Variants in BBS5 observed in about 807,000 individuals in gnomAD.
The protein encoded by BBS5 is BBSome complex member BBS5.
A neutral mutation model predicts 50.2 loss-of-function variants in BBS5; 39 were observed. The ratio of observed to expected loss-of-function variants is 0.78; its 90% CI spans 0.60 to 1.01. The LOEUF (loss-of-function observed/expected upper bound fraction) is 1.01. Ranked by LOEUF, BBS5 falls within the 50% of genes least tolerant of loss-of-function variation. The pLI is 0.00. For synonymous variants in BBS5, 134 were observed against 133.1 expected, an observed-to-expected ratio of 1.01 and a Z score of -0.05; for missense variants, 356 against 401.5, an observed-to-expected ratio of 0.89 and a Z score of 0.97.
intron 9 of BBS5, among the ~76,000 whole-genome samples, chr2:169,500,843 C>G (rs1225044804): frequency 1.3e-5 from 2 of 152,166 alleles, no homozygotes; most frequent in African/African-American, 4.8e-5. Flanking sequence ...GCTCTTCTTT[C>G]AGCAGTCTCC....
At chr2:169,492,785 A>G in intron 5 of BBS5, 89 bp from the exon 6 acceptor site, 1 of 1,120,778 alleles carries the variant, frequency 8.9e-7, no homozygotes, top group Non-Finnish European at 1.3e-6. Flanking sequence ...GTTCATAAAT[A>G]CTAACAACTA....
Position 169,505,610 on chromosome 2 carries a change from AC to A in BBS5, c.*1032del. 1 of 241,146 alleles carries A rather than the reference AC, an allele frequency of 4.1e-6. No individual in the cohort carries two copies. Among genetic ancestry groups the A allele is most frequent in the Non-Finnish European group, 8.2e-6 (1 of 121,338 alleles). 14.9% of individuals were successfully genotyped at this position (241,146 alleles called of 1,614,324 possible). ...TGGGGAGCACCTCTGCCCGGCCGCG[AC>A]CCCATTTGGGAGGTGAGGAGCAACT... On this transcript the variant is annotated 3_prime_UTR_variant, in exon 12 of 12. Coordinates refer to ENST00000295240, the MANE Select transcript of BBS5 (RefSeq NM_152384.3).
In BBS5 at chr2:169,496,937, G is replaced by A. The variant is rs1683705185; in HGVS notation, c.619-690G>A. On this transcript the variant is annotated intron_variant, in intron 7 of 11. Transcript: ENST00000295240. ...GTAGCCATCTATGATGTAAGAAACA[G>A]AAGGCACATGTGACTTTAAAAAACT... Among the ~76,000 whole-genome samples the A allele has an allele frequency of 2.0e-5, 3 of 151,984 alleles. No homozygotes were observed. The South Asian group carries it at 6.2e-4, about 32-fold the overall frequency.
chr2:169,500,442 C>T lies in BBS5; in HGVS notation c.816+822C>T, dbSNP rs151105139. ...TTTCCATTTGCTCCACTGCCATTGC[C>T]CTTGCTGTCCTCTCTGTCCTGGTCC... On this transcript the variant is annotated intron_variant, in intron 9 of 11. Coordinates refer to ENST00000295240, the MANE Select transcript of BBS5 (RefSeq NM_152384.3). 1.1e-4 allele frequency among the ~76,000 whole-genome samples: 16 copies of T among 152,308 alleles called. No homozygotes were observed. In the East Asian group the frequency reaches 2.9e-3, roughly 28 times the overall value.
chr2:169,502,780 C>G (rs1683833664), intron 9 of BBS5, among the ~76,000 whole-genome samples: 1 of 152,084 alleles, frequency 6.6e-6, no homozygotes, highest in South Asian at 2.1e-4. Context: ...TGCTGTTATG[C>G]AAAACTTAGT....
intron 10 of BBS5, among the ~76,000 whole-genome samples, chr2:169,503,685 T>C (rs1683849145): frequency 6.6e-6 from 1 of 152,238 alleles, no homozygotes; most frequent in South Asian, 2.1e-4. Flanking sequence ...GGATCTTGTT[T>C]TGAAATGGAC....
At chr2:169,485,438 G>A (rs1485811108) in intron 2 of BBS5, among the ~76,000 whole-genome samples, 1 of 152,142 alleles carries the variant, frequency 6.6e-6, no homozygotes, top group Admixed American at 6.5e-5. Context: ...CCAAGGTCAC[G>A]TAGCTAGGTG....
Position 169,502,066 on chromosome 2 carries a change from C to T in BBS5, c.817-1029C>T, listed in dbSNP as rs78546205. On this transcript the variant is annotated intron_variant, in intron 9 of 11. Transcript: ENST00000295240. ...TTCTCTCTCCTTCCTCCCTTCCTTT[C>T]AGAATTAATCAGCCTCCTCCACTAT... Among the ~76,000 whole-genome samples the T allele has an allele frequency of 5.6e-4, 85 of 152,232 alleles. No individual in the cohort carries two copies. In the East Asian group the frequency reaches 0.015, roughly 27 times the overall value.
At chr2:169,497,544 G>T in intron 7 of BBS5, 83 bp from the exon 8 acceptor site, 1 of 845,104 alleles carries the variant, frequency 1.2e-6, no homozygotes, top group South Asian at 1.4e-5. Context: ...AGTAAATACT[G>T]TGTAAAGTTT....
At position 169,505,414 on chromosome 2, in the gene BBS5, C is replaced by T. The variant is rs1683894016; in HGVS notation, c.*832C>T. 8.9e-6 allele frequency: 3 copies of T among 338,140 alleles called. No individual in the cohort carries two copies. The highest frequency in any genetic ancestry group is 4.4e-5 in the African/African-American group (2 of 45,294). 20.9% of individuals were successfully genotyped at this position (338,140 alleles called of 1,614,324 possible). A position where few individuals can be genotyped will look rare whatever the true frequency, so the allele number is the denominator to read the frequency against. On this transcript the variant is annotated 3_prime_UTR_variant, in exon 12 of 12. Transcript: ENST00000295240. ...GTGAGGAGCGTCTCTGCCTGGCTGCCCATTGTCTGGGACGTGAGCAGCCCC... is the reference window on the plus strand; with the variant it reads ...GTGAGGAGCGTCTCTGCCTGGCTGCTCATTGTCTGGGACGTGAGCAGCCCC...
intron 2 of BBS5, among the ~76,000 whole-genome samples, chr2:169,485,874 C>G (rs942081257): frequency 9.2e-5 from 14 of 152,224 alleles, no homozygotes; most frequent in African/African-American, 3.4e-4. Context: ...TCTCTCCTCT[C>G]AAAGCAGTCA....
At chr2:169,496,169 G>A (rs967229979) in intron 7 of BBS5, among the ~76,000 whole-genome samples, 2 of 152,012 alleles carry the variant, frequency 1.3e-5, no homozygotes, top group Non-Finnish European at 2.9e-5. Context: ...TAGGTCCTCC[G>A]TGATTCTCCC....
chr2:169,479,753 T>C, intron 1 of BBS5, 141 bp downstream of exon 1: 1 of 938,100 alleles, frequency 1.1e-6, no homozygotes, highest in South Asian at 1.4e-5. Context: ...CGTCCGCGCC[T>C]CGAGAGACCT....
At chr2:169,483,182 A>C (rs955080523) in intron 2 of BBS5, among the ~76,000 whole-genome samples, 1 of 152,190 alleles carries the variant, frequency 6.6e-6, no homozygotes, top group Non-Finnish European at 1.5e-5. Flanking sequence ...GAACATGCTT[A>C]CTGTAGCCCT....
At position 169,499,618 on chromosome 2, in the gene BBS5, A is replaced by G. The variant is rs763705177; in HGVS notation, c.814A>G (p.Lys272Glu). The G allele has an allele frequency of 6.2e-7, 1 of 1,613,800 alleles. No homozygotes were observed. Among genetic ancestry groups the G allele is most frequent in the Non-Finnish European group, 8.5e-7 (1 of 1,179,862 alleles). The part of the protein sequence containing the change: ...IFGVDYEMEE[K>E]PQPLEALTVE... ...TGGAGTTGATTATGAGATGGAAGAA[A>G]AGGTAATTTGTTGAGTATGTGAAAT... is the stretch of plus-strand genomic sequence containing the variant. Residue 272 changes from lysine to glutamate, a missense_variant and splice_region_variant, in exon 9 of 12, where the codon AAG (lysine) becomes GAG (glutamate). Transcript: ENST00000295240.
chr2:169,501,697 C>G (rs1683806042), intron 9 of BBS5, among the ~76,000 whole-genome samples: 2 of 152,030 alleles, frequency 1.3e-5, no homozygotes, highest in African/African-American at 4.8e-5. Context: ...GAGCTATGAT[C>G]ATGCCATTGC....
chr2:169,503,898 T>A (rs1574344977), intron 10 of BBS5, among the ~76,000 whole-genome samples: 2 of 152,336 alleles, frequency 1.3e-5, no homozygotes, highest in South Asian at 4.1e-4. Context: ...TGCTGACACA[T>A]TGAAGTACTT....
rs370703812 is a variant in BBS5 at position 169,499,589 on chromosome 2, T to C, written c.785T>C (p.Ile262Thr). Residue 262 changes from isoleucine (I) to threonine (T), a missense_variant, in exon 9 of 12, where the codon ATA (isoleucine) becomes ACA (threonine). Ile to Thr is a moderately conservative substitution (Grantham distance 89). Coordinates refer to ENST00000295240, the MANE Select transcript of BBS5 (RefSeq NM_152384.3). Reference protein sequence around the residue: ...SLHKVYSASPIFGVDYEMEEK... With the variant: ...SLHKVYSASPTFGVDYEMEEK... ...CACAAAGTCTATTCTGCCAGTCCCA[T>C]ATTTGGAGTTGATTATGAGATGGAA... is the stretch of plus-strand genomic sequence containing the variant. The C allele has an allele frequency of 1.1e-5, 18 of 1,613,732 alleles. No homozygotes were observed. In the African/African-American group the frequency reaches 1.6e-4, roughly 14 times the overall value.
rs1481770588 is a variant in BBS5 at position 169,506,416 on chromosome 2, A to C, written c.*1834A>C. On this transcript the variant is annotated 3_prime_UTR_variant, in exon 12 of 12. Coordinates refer to ENST00000295240, the MANE Select transcript of BBS5 (RefSeq NM_152384.3). Reference sequence around the variant, plus strand: ...CGGATGGTTGCCGTGTCTGTGTAGAAAGAAGTAGACATGGGAGACTTTTCA... The same window carrying C: ...CGGATGGTTGCCGTGTCTGTGTAGACAGAAGTAGACATGGGAGACTTTTCA... 5.6e-6 allele frequency: 1 copy of C among 179,230 alleles called. No homozygotes were observed. The highest frequency in any genetic ancestry group is 1.1e-5 in the Non-Finnish European group (1 of 89,338). The allele number at this position is 179,230 out of a possible 1,614,324, so 11.1% of individuals were successfully genotyped here. A position where few individuals can be genotyped will look rare whatever the true frequency, so the allele number is the denominator to read the frequency against.
Sources: allele counts gnomAD v4.1 joint callset (sites outside exome capture counted in the v4.1 genomes callset), GRCh38; gene constraint gnomAD v4.1.1; transcripts MANE v1.5; gene names NCBI Gene and HGNC (gene_info 2026-07-23, HGNC 2026-07-21).